POU6F2: variants seen among roughly 807,000 people sequenced by gnomAD.
The protein encoded by POU6F2 is POU domain, class 6, transcription factor 2.
POU6F2 carries 31 observed loss-of-function variants against 71.3 expected under a neutral mutation model. The observed-to-expected ratio is 0.43, with a 90% CI of 0.33 to 0.59. The LOEUF is 0.59. POU6F2 is among the 20% of genes least tolerant of loss of function. The probability of loss-of-function intolerance (pLI) is 0.04; values close to 1 mark genes in which losing one functional copy is unlikely to be tolerated. For synonymous variants in POU6F2, 347 were observed against 355.7 expected (o/e 0.98, Z 0.27); for missense variants, 783 against 856.8 (o/e 0.91, Z 1.07).
At chr7:39,119,671 T>C (rs900421487) in intron 2 of POU6F2, among the ~76,000 whole-genome samples, 22 of 152,354 alleles carry the variant, frequency 1.4e-4, no homozygotes, top group African/African-American at 5.3e-4. Context: ...ATAAACAGTT[T>C]TCTCTTTAAG....
intron 1 of POU6F2, among the ~76,000 whole-genome samples, chr7:38,991,892 T>A (rs1241685783): frequency 3.9e-5 from 6 of 152,096 alleles, no homozygotes; most frequent in African/African-American, 7.2e-5. Context: ...TATCTGTCTT[T>A]AACTGTATAA....
At chr7:39,440,200 C>CT (rs1230341390) in intron 7 of POU6F2, among the ~76,000 whole-genome samples, 3 of 152,128 alleles carry the variant, frequency 2.0e-5, no homozygotes, top group Non-Finnish European at 4.4e-5. Context: ...ATGGTATTCT[C>CT]TGTATTTCCT....
At chr7:39,058,533 C>A (rs145825868) in intron 1 of POU6F2, among the ~76,000 whole-genome samples, 2,145 of 152,266 alleles carry the variant, frequency 0.014, 22 homozygotes, top group Admixed American at 0.023. Context: ...TTTGGGAAAT[C>A]ATCTTTTTCC....
At chr7:39,128,722 C>T (rs1792193767) in intron 2 of POU6F2, among the ~76,000 whole-genome samples, 1 of 152,150 alleles carries the variant, frequency 6.6e-6, no homozygotes, top group African/African-American at 2.4e-5. Flanking sequence ...CAAAGATATC[C>T]AGTTGCTTGG....
At chr7:39,291,576 C>T (rs1203694954) in intron 4 of POU6F2, among the ~76,000 whole-genome samples, 2 of 152,190 alleles carry the variant, frequency 1.3e-5, no homozygotes, top group Non-Finnish European at 2.9e-5. Flanking sequence ...AAATCATTCT[C>T]ACTCTAGTGG....
At chr7:39,267,584 G>A (rs1032717332) in intron 4 of POU6F2, among the ~76,000 whole-genome samples, 9 of 152,020 alleles carry the variant, frequency 5.9e-5, no homozygotes, top group Admixed American at 3.9e-4. Context: ...AAAGTAATAC[G>A]CTTAATGAAT....
chr7:39,227,465 C>T (rs1794489087), intron 4 of POU6F2, among the ~76,000 whole-genome samples: 1 of 151,988 alleles, frequency 6.6e-6, no homozygotes, highest in Admixed American at 6.6e-5. Flanking sequence ...TGTAGCATCA[C>T]CTGGGCTTTG....
chr7:39,126,649 G>C (rs1167797717), intron 2 of POU6F2, among the ~76,000 whole-genome samples: 1 of 152,170 alleles, frequency 6.6e-6, no homozygotes, highest in East Asian at 1.9e-4. Context: ...AGCCAACAAA[G>C]ATGGTCCAAA....
At chr7:39,278,110 G>A (rs77065771) in intron 4 of POU6F2, among the ~76,000 whole-genome samples, 17,098 of 59,554 alleles carry the variant, frequency 0.29, 1,703 homozygotes, top group Middle Eastern at 0.38. Flanking sequence ...GGAGGGAGGG[G>A]GGGAGGGAGG....
chr7:39,268,934 C>A (rs1160114063), intron 4 of POU6F2, among the ~76,000 whole-genome samples: 2 of 152,138 alleles, frequency 1.3e-5, no homozygotes, highest in Non-Finnish European at 2.9e-5. Context: ...GCTCCTGGAT[C>A]CCTCTGATTA....
chr7:39,392,653 G>C (rs1049133008), intron 5 of POU6F2, among the ~76,000 whole-genome samples: 1 of 152,184 alleles, frequency 6.6e-6, no homozygotes, highest in Non-Finnish European at 1.5e-5. Flanking sequence ...CTTCTTTGCT[G>C]TCTGGGACTA....
chr7:39,012,754 T>G (rs1041381193), intron 1 of POU6F2, among the ~76,000 whole-genome samples: 1 of 150,818 alleles, frequency 6.6e-6, no homozygotes, highest in African/African-American at 2.4e-5. Flanking sequence ...GACAGGACCC[T>G]CAGCTGCAGG....
chr7:39,298,984 C>A (rs996513941), intron 4 of POU6F2, among the ~76,000 whole-genome samples: 2 of 151,940 alleles, frequency 1.3e-5, no homozygotes, highest in African/African-American at 2.4e-5. Context: ...GGGAGGGGAA[C>A]AACACACACC....
intron 2 of POU6F2, among the ~76,000 whole-genome samples, chr7:39,180,719 TGAAATGCTTG>T (rs1793419839): frequency 1.3e-5 from 2 of 152,220 alleles, no homozygotes; most frequent in African/African-American, 4.8e-5. Flanking sequence ...GTCACTGTCC[TGAAATGCTTG>T]ATATTTTTGA....
intron 6 of POU6F2, among the ~76,000 whole-genome samples, chr7:39,414,256 C>A (rs1204999209): frequency 1.3e-5 from 2 of 152,142 alleles, no homozygotes; most frequent in East Asian, 3.8e-4. Context: ...CCTTTGCAAC[C>A]GGGGCTTCGC....
chr7:39,075,329 C>A (rs1790976109), intron 1 of POU6F2, among the ~76,000 whole-genome samples: 1 of 152,100 alleles, frequency 6.6e-6, no homozygotes, highest in African/African-American at 2.4e-5. Flanking sequence ...AGTTCTGGCC[C>A]AACTCAGAAA....
chr7:39,298,639 G>A (rs1241521177), intron 4 of POU6F2, among the ~76,000 whole-genome samples: 1 of 152,108 alleles, frequency 6.6e-6, no homozygotes, highest in Non-Finnish European at 1.5e-5. Context: ...ATTTTACCCA[G>A]CAATCCCATT....
At chr7:39,306,058 A>C (rs1785042158) in intron 4 of POU6F2, among the ~76,000 whole-genome samples, 1 of 152,198 alleles carries the variant, frequency 6.6e-6, no homozygotes, top group Non-Finnish European at 1.5e-5. Context: ...TCCATTTGCA[A>C]ATTTAGTCTG....
chr7:39,053,509 C>G (rs1168627546), intron 1 of POU6F2, among the ~76,000 whole-genome samples: 1 of 151,994 alleles, frequency 6.6e-6, no homozygotes, highest in African/African-American at 2.4e-5. Flanking sequence ...TTTTTCCCCC[C>G]AGAAGATCCC....
Sources: gnomAD v4.1 joint callset for allele counts (sites outside exome capture counted in the v4.1 genomes callset) on GRCh38, gnomAD v4.1.1 for gene constraint, MANE v1.5 for transcripts, NCBI Gene and HGNC (gene_info 2026-07-23, HGNC 2026-07-21) for gene names.